The following MSRA variants were observed in gnomAD, a reference collection of about 807,000 sequenced individuals.
The protein encoded by MSRA is methionine sulfoxide reductase A, also known as mitochondrial peptide methionine sulfoxide reductase.
In MSRA, 54 loss-of-function variants were observed where a neutral mutation model predicts 31.3. The ratio of observed to expected loss-of-function variants is 1.73; its 90% CI spans 1.39 to 2.17. The LOEUF (loss-of-function observed/expected upper bound fraction) is 2.17. Among genes scored for constraint, MSRA ranks in the 30% most tolerant of loss-of-function variants. The probability of loss-of-function intolerance (pLI) is 0.00; values close to 1 mark genes in which losing one functional copy is unlikely to be tolerated. For synonymous variants in MSRA, 169 were observed against 116.5 expected, an observed-to-expected ratio of 1.45 and a Z score of -2.90; for missense variants, 507 against 300.9, an observed-to-expected ratio of 1.69 and a Z score of -5.07.
intron 5 of MSRA, among the ~76,000 whole-genome samples, chr8:10,367,566 C>G (rs570386031): frequency 6.6e-6 from 1 of 152,326 alleles, no homozygotes; most frequent in Admixed American, 6.5e-5. Flanking sequence ...TAGGTCTTAT[C>G]TCAGATCACT....
At chr8:10,160,761 C>T (rs779185957) in intron 1 of MSRA, among the ~76,000 whole-genome samples, 3 of 151,524 alleles carry the variant, frequency 2.0e-5, no homozygotes, top group Non-Finnish European at 4.4e-5. Flanking sequence ...AACTCCTGAC[C>T]TCGTGATCCA....
chr8:10,386,327 C>G (rs917242106), intron 5 of MSRA, among the ~76,000 whole-genome samples: 1 of 152,098 alleles, frequency 6.6e-6, no homozygotes, highest in African/African-American at 2.4e-5. Context: ...AGATAATTTT[C>G]TCTGATCAGA....
In MSRA at chr8:10,308,053, G is replaced by A. The variant is rs149046215; in HGVS notation, c.436+6415G>A. On this transcript the variant is annotated intron_variant, in intron 4 of 5. Coordinates refer to ENST00000317173, the MANE Select transcript of MSRA (RefSeq NM_012331.5). ...TGGGGCTGAAGTGGTGGACCATCAC[G>A]AAGCCCAGGGATGGAGCCTGACCCT... Among the ~76,000 whole-genome samples, 11 of 152,278 alleles carry A rather than the reference G, an allele frequency of 7.2e-5. No homozygotes were observed. The East Asian group carries it at 1.9e-3, about 27-fold the overall frequency.
intron 3 of MSRA, among the ~76,000 whole-genome samples, chr8:10,257,213 T>A (rs1028999119): frequency 6.6e-6 from 1 of 151,970 alleles, no homozygotes; most frequent in African/African-American, 2.4e-5. Flanking sequence ...TCAAGTGACT[T>A]GAGAGGATCC....
intron 1 of MSRA, among the ~76,000 whole-genome samples, chr8:10,133,822 T>C (rs1050014109): frequency 6.6e-6 from 1 of 152,056 alleles, no homozygotes; most frequent in Non-Finnish European, 1.5e-5. Flanking sequence ...TGGTTTTTTT[T>C]TGTTGTTGTT....
intron 1 of MSRA, among the ~76,000 whole-genome samples, chr8:10,165,778 C>T (rs1805072766): frequency 6.6e-6 from 1 of 152,154 alleles, no homozygotes; most frequent in Non-Finnish European, 1.5e-5. Context: ...GAGTCCTCCT[C>T]AGGATTGCAG....
chr8:10,098,291 T>G (rs1051203028), intron 1 of MSRA, among the ~76,000 whole-genome samples: 1 of 152,144 alleles, frequency 6.6e-6, no homozygotes, highest in South Asian at 2.1e-4. Flanking sequence ...TGAAGTAAAA[T>G]TATTGAGGCA....
chr8:10,218,539 G>C (rs1323086558), intron 2 of MSRA, among the ~76,000 whole-genome samples: 2 of 152,080 alleles, frequency 1.3e-5, no homozygotes, highest in Non-Finnish European at 2.9e-5. Context: ...TCTAATTCTA[G>C]CATTTTTTAA....
chr8:10,181,441 A>C (rs1463774304), intron 1 of MSRA, among the ~76,000 whole-genome samples: 1 of 146,640 alleles, frequency 6.8e-6, no homozygotes, highest in African/African-American at 2.7e-5. Flanking sequence ...TAATAATAAA[A>C]TTAAAAAAAA....
chr8:10,165,745 A>G (rs925795768), intron 1 of MSRA, among the ~76,000 whole-genome samples: 1 of 152,208 alleles, frequency 6.6e-6, no homozygotes, highest in Non-Finnish European at 1.5e-5. Flanking sequence ...CAGTTTCCCC[A>G]TCTGCCAATT....
rs139412534 is a variant in MSRA at position 10,153,736 on chromosome 8, G to A, written c.143-54097G>A. Among the ~76,000 whole-genome samples, 68 of 152,218 alleles carry A rather than the reference G, an allele frequency of 4.5e-4. 1 individual carries two copies. The highest frequency in any genetic ancestry group is 1.0e-3 in the Admixed American group (16 of 15,284). On this transcript the variant is annotated intron_variant, in intron 1 of 5. Coordinates refer to ENST00000317173, the MANE Select transcript of MSRA (RefSeq NM_012331.5). ...TTGCCCCCTTCATAACAAAGTGTTC[G>A]CTATCACGTTAAGAAATATGTTCGA...
At chr8:10,361,163 T>A (rs975181795) in intron 5 of MSRA, among the ~76,000 whole-genome samples, 3 of 152,188 alleles carry the variant, frequency 2.0e-5, no homozygotes, top group Admixed American at 6.5e-5. Context: ...AGAGGAGTAT[T>A]GTTTCTTGGA....
At chr8:10,262,438 C>T (rs986091851) in intron 3 of MSRA, among the ~76,000 whole-genome samples, 1 of 151,876 alleles carries the variant, frequency 6.6e-6, no homozygotes, top group Non-Finnish European at 1.5e-5. Context: ...AGTGGTATCT[C>T]CTTATTGTTT....
At chr8:10,285,219 T>A (rs139423892) in intron 3 of MSRA, among the ~76,000 whole-genome samples, 3 of 152,304 alleles carry the variant, frequency 2.0e-5, no homozygotes, top group Non-Finnish European at 4.4e-5. Flanking sequence ...ATCCGCCTTC[T>A]CCGAGCCCTT....
rs1585007980 is a variant in MSRA at position 10,137,466 on chromosome 8, C to T, written c.143-70367C>T. On this transcript the variant is annotated intron_variant, in intron 1 of 5. Coordinates refer to ENST00000317173, the MANE Select transcript of MSRA (RefSeq NM_012331.5). ...TGGAATCGGTATTTATTTCCTTATT[C>T]TGTGCCCTGTTTCATTCCAAGATTG... 2.6e-5 allele frequency among the ~76,000 whole-genome samples: 4 copies of T among 152,158 alleles called. No homozygotes were observed. The South Asian group carries it at 8.3e-4, about 31-fold the overall frequency.
At position 10,221,438 on chromosome 8, in the gene MSRA, A is replaced by G. The variant is rs555849232; in HGVS notation, c.211+13537A>G. Among the ~76,000 whole-genome samples, 503 of 138,720 alleles carry G rather than the reference A, an allele frequency of 3.6e-3. 9 individuals carry two copies. Among genetic ancestry groups the G allele is most frequent in the African/African-American group, 7.9e-3 (315 of 39,832 alleles). 91.0% of individuals were successfully genotyped at this position (138,720 alleles called of 152,430 possible). On this transcript the variant is annotated intron_variant, in intron 2 of 5. Transcript: ENST00000317173. The stretch of plus-strand genomic sequence containing the variant: ...TAAATATATATATGTATATATGTGT[A>G]TATATACATATATATATTTGTTCTT...
intron 5 of MSRA, 28 bp from the exon 6 acceptor site, chr8:10,428,120 C>A: frequency 6.2e-7 from 1 of 1,601,226 alleles, no homozygotes. Flanking sequence ...AGCATGGGAG[C>A]TGATGGCGCC....
At chr8:10,240,737 T>C (rs1327203183) in intron 2 of MSRA, among the ~76,000 whole-genome samples, 1 of 152,158 alleles carries the variant, frequency 6.6e-6, no homozygotes, top group Admixed American at 6.5e-5. Context: ...CCCTTACCCC[T>C]GTCTTTCCTG....
intron 3 of MSRA, among the ~76,000 whole-genome samples, chr8:10,251,538 C>T (rs980642460): frequency 2.0e-5 from 3 of 152,020 alleles, no homozygotes; most frequent in Non-Finnish European, 2.9e-5. Context: ...TTATTTTAGG[C>T]GTAAAATTGG....
Sources: allele counts gnomAD v4.1 joint callset (sites outside exome capture counted in the v4.1 genomes callset), GRCh38; gene constraint gnomAD v4.1.1; transcripts MANE v1.5; gene names NCBI Gene and HGNC (gene_info 2026-07-23, HGNC 2026-07-21).